The following NFKBIZ variants were observed in gnomAD, a reference collection of about 807,000 sequenced individuals.
NFKBIZ encodes NFKB inhibitor zeta, also known as NF-kappa-B inhibitor zeta.
In NFKBIZ, 19 loss-of-function variants were observed where a neutral mutation model predicts 76.8. The observed-to-expected ratio is 0.25, with a 90% CI of 0.17 to 0.36. The LOEUF (loss-of-function observed/expected upper bound fraction) is 0.36. Ranked by LOEUF, NFKBIZ falls within the 10% of genes least tolerant of loss-of-function variation. The pLI is 1.00. For synonymous variants in NFKBIZ, 368 were observed against 354.8 expected, an observed-to-expected ratio of 1.04 and a Z score of -0.42; for missense variants, 829 against 910.9, an observed-to-expected ratio of 0.91 and a Z score of 1.16.
upstream of NFKBIZ, chr3:101,849,513 C>A (rs551503009): frequency 6.4e-5 from 58 of 903,322 alleles, no homozygotes; most frequent in South Asian, 2.3e-3. Flanking sequence ...GCGCCGCGCC[C>A]GTACTGGCCC....
In NFKBIZ at chr3:101,857,124, C is replaced by T. The variant is rs747722878; in HGVS notation, c.1876C>T (p.Leu626=). 6 of 1,613,528 alleles carry T rather than the reference C, an allele frequency of 3.7e-6. No individual in the cohort carries two copies. The African/African-American group carries it at 5.4e-5, about 14-fold the overall frequency. ...GCATTTGGCAGCTGAAGAAGCAAAT[C>T]TGGAACTCATTCGCCTCTTTTTGGA... is the stretch of plus-strand genomic sequence containing the variant. The part of the protein sequence containing the change: ...ALHLAAEEAN[L]ELIRLFLELP... The change falls in exon 10 of 12, where the codon CTG becomes TTG. Residue 626 remains leucine (L), a synonymous_variant. Coordinates refer to ENST00000326172, the MANE Select transcript of NFKBIZ (RefSeq NM_031419.4).
chr3:101,838,441 AG>A (rs1942750228), intron 2 of NFKBIZ, among the ~76,000 whole-genome samples: 1 of 152,228 alleles, frequency 6.6e-6, no homozygotes, highest in African/African-American at 2.4e-5. Flanking sequence ...GCTTAAAGCA[AG>A]GGTTGGCAGA....
intron 2 of NFKBIZ, among the ~76,000 whole-genome samples, chr3:101,836,995 G>A (rs947834687): frequency 6.6e-6 from 1 of 152,122 alleles, no homozygotes; most frequent in Non-Finnish European, 1.5e-5. Context: ...GTTTCTGTGA[G>A]GTCTCTTTTC....
At position 101,838,682 on chromosome 3, in the gene NFKBIZ, G is replaced by A. The variant is rs149155423; in HGVS notation, c.-12+8994G>A. 3.6e-3 allele frequency among the ~76,000 whole-genome samples: 549 copies of A among 152,338 alleles called. 3 individuals are homozygous for A. Among genetic ancestry groups the A allele is most frequent in the African/African-American group, 0.012 (514 of 41,580 alleles). On this transcript the variant is annotated intron_variant, in intron 2 of 12. Coordinates refer to the NFKBIZ transcript ENST00000394054. Reference sequence around the variant, plus strand: ...AAATGTAAGCAAAAGCAATTTTGGGGAGGTAAGGTGATTGTTTGAATAAAT... The same window carrying A: ...AAATGTAAGCAAAAGCAATTTTGGGAAGGTAAGGTGATTGTTTGAATAAAT...
In NFKBIZ at chr3:101,849,565, G is replaced by C; in HGVS notation, c.-64G>C. On this transcript the variant is annotated 5_prime_UTR_variant, in exon 1 of 12. Coordinates refer to ENST00000326172, the MANE Select transcript of NFKBIZ (RefSeq NM_031419.4). ...GACAGCTCCCTGAGCCAGCCCGGGA[G>C]GCAGCCGCGCGCAGCGAGCCGGTGG... 1 of 1,280,546 alleles carries C rather than the reference G, an allele frequency of 7.8e-7. No homozygotes were observed. The highest frequency in any genetic ancestry group is 9.9e-7 in the Non-Finnish European group (1 of 1,012,098). 79.3% of individuals were successfully genotyped at this position (1,280,546 alleles called of 1,614,324 possible).
chr3:101,843,135 A>G (rs555349826), intron 2 of NFKBIZ, among the ~76,000 whole-genome samples: 9 of 150,448 alleles, frequency 6.0e-5, no homozygotes, highest in Non-Finnish European at 1.3e-4. Flanking sequence ...TTGCTTCTGC[A>G]TTTAATTTGT....
intron 2 of NFKBIZ, among the ~76,000 whole-genome samples, chr3:101,833,853 A>G (rs1942679000): frequency 6.6e-6 from 1 of 152,236 alleles, no homozygotes; most frequent in South Asian, 2.1e-4. Flanking sequence ...GACAGATTGC[A>G]GCCAAATTGA....
chr3:101,859,598 A>G lies in NFKBIZ; in HGVS notation c.*227A>G. 2.8e-6 allele frequency: 1 copy of G among 355,058 alleles called. No individual in the cohort carries two copies. Among genetic ancestry groups the G allele is most frequent in the South Asian group, 6.2e-5 (1 of 16,102 alleles). 22.0% of individuals were successfully genotyped at this position (355,058 alleles called of 1,614,324 possible). ...TCATACCCAGGTATCTGGGATCTAG[A>G]CATCTGAATTTGATCTCAATGGTAA... On this transcript the variant is annotated 3_prime_UTR_variant, in exon 12 of 12. Transcript: ENST00000326172.
exon 1 of NFKBIZ, chr3:101,828,000 C>A (rs1197016288): frequency 6.6e-6 from 1 of 152,206 alleles, no homozygotes; most frequent in Non-Finnish European, 1.5e-5. Flanking sequence ...CTCCTCTTGC[C>A]ACGAGGTCAG....
At chr3:101,828,853 T>C (rs1334601841) in intron 1 of NFKBIZ, among the ~76,000 whole-genome samples, 1 of 152,190 alleles carries the variant, frequency 6.6e-6, no homozygotes, top group East Asian at 1.9e-4. Context: ...TTCGCTGCAG[T>C]GGCTGAAGGT....
In NFKBIZ at chr3:101,855,601, G is replaced by A. The variant is rs1943038330; in HGVS notation, c.1655-132G>A. ...TAGACCCAAAAAGAGACAATATTCA[G>A]ATTGCCTTACTAGTTCTTGTGGAGC... is the stretch of plus-strand genomic sequence containing the variant. On this transcript the variant is annotated intron_variant, in intron 8 of 11. Transcript: ENST00000326172. 4.9e-6 allele frequency: 6 copies of A among 1,234,308 alleles called. No individual in the cohort carries two copies. The East Asian group carries it at 1.4e-4, about 29-fold the overall frequency. The allele number at this position is 1,234,308 out of a possible 1,614,324, so 76.5% of individuals were successfully genotyped here.
chr3:101,849,910 C>T lies in NFKBIZ; in HGVS notation c.282C>T (p.Arg94=). ...CGAGAGGCGGCGCCCGCGCCGAGCG[C>T]CAGCCAGGTACCCGCCGGCCCCGCA... The part of the protein sequence containing the change: ...SRSRGGARAE[R]QPVEPHMGVG... Residue 94 remains arginine, a synonymous_variant, in exon 1 of 12, where the codon CGC becomes CGT. Coordinates refer to ENST00000326172, the MANE Select transcript of NFKBIZ (RefSeq NM_031419.4). The T allele has an allele frequency of 7.0e-7, 1 of 1,423,812 alleles. No individual in the cohort carries two copies. The highest frequency in any genetic ancestry group is 9.1e-7 in the Non-Finnish European group (1 of 1,096,854). The allele number at this position is 1,423,812 out of a possible 1,614,324, so 88.2% of individuals were successfully genotyped here.
chr3:101,833,099 A>G (rs1009196768), intron 2 of NFKBIZ, among the ~76,000 whole-genome samples: 1 of 152,216 alleles, frequency 6.6e-6, no homozygotes, highest in Non-Finnish European at 1.5e-5. Context: ...GAAGATGTGC[A>G]TGGTTGAGAA....
chr3:101,855,654 C>A, intron 8 of NFKBIZ, 79 bp from the exon 9 acceptor site: 1 of 1,451,898 alleles, frequency 6.9e-7, no homozygotes. Context: ...TAGAGGCCAT[C>A]CTCAGCATTT....
intron 2 of NFKBIZ, among the ~76,000 whole-genome samples, chr3:101,834,480 C>T (rs1371946882): frequency 1.3e-5 from 2 of 152,168 alleles, no homozygotes; most frequent in Non-Finnish European, 2.9e-5. Context: ...CCTGCCTCAG[C>T]CTCCAGAGTA....
intron 1 of NFKBIZ, chr3:101,850,191 G>A (rs1275236989): frequency 5.3e-6 from 2 of 379,386 alleles, no homozygotes; most frequent in African/African-American, 2.1e-5. Context: ...CGAGTGACCA[G>A]GAGATCGCTC....
Position 101,849,652 on chromosome 3 carries a change from C to G in NFKBIZ, c.24C>G (p.Asp8Glu). The G allele has an allele frequency of 7.2e-7, 1 of 1,398,372 alleles. No homozygotes were observed. The highest frequency in any genetic ancestry group is 9.2e-7 in the Non-Finnish European group (1 of 1,085,824). 86.6% of individuals were successfully genotyped at this position (1,398,372 alleles called of 1,614,324 possible). The stretch of plus-strand genomic sequence containing the variant: ...GCATGATTGTGGACAAGCTGCTGGA[C>G]GACAGCCGCGGCGGAGAGGGGCTGC... MIVDKLL[D>E]DSRGGEGLRD... The change falls in exon 1 of 12, where the codon GAC becomes GAG. Residue 8 changes from aspartate (D) to glutamate (E), a missense_variant. Asp to Glu is a conservative substitution (Grantham distance 45). This residue lies in a region of NFKBIZ where 181 missense variants were observed against 175.3 expected (regional missense o/e 1.03). Coordinates refer to ENST00000326172, the MANE Select transcript of NFKBIZ (RefSeq NM_031419.4).
chr3:101,831,477 C>G (rs891230266), intron 2 of NFKBIZ, among the ~76,000 whole-genome samples: 88 of 152,130 alleles, frequency 5.8e-4, no homozygotes, highest in African/African-American at 2.1e-3. Flanking sequence ...CTTTTTGTGT[C>G]TTGCTTTGTG....
chr3:101,850,349 G>A (rs1252864228), intron 1 of NFKBIZ: 1 of 158,762 alleles, frequency 6.3e-6, no homozygotes, highest in South Asian at 2.0e-4. Context: ...TAAAGGTCAT[G>A]ACTTATTTCT....
Sources: allele counts gnomAD v4.1 joint callset (sites outside exome capture counted in the v4.1 genomes callset), GRCh38; gene constraint gnomAD v4.1.1; regional missense constraint gnomAD v4.1.1; transcripts MANE v1.5; gene names NCBI Gene and HGNC (gene_info 2026-07-23, HGNC 2026-07-21).